The following NBAS variants were observed in gnomAD, a reference collection of about 807,000 sequenced individuals.
NBAS encodes NBAS subunit of NRZ tethering complex.
A neutral mutation model predicts 302.5 loss-of-function variants in NBAS; 219 were observed. The ratio of observed to expected loss-of-function variants is 0.72; its 90% CI spans 0.65 to 0.81. NBAS has a LOEUF of 0.81. NBAS is among the 30% of genes least tolerant of loss of function. The pLI is 0.00. For missense variants in NBAS, 2,932 were observed against 2,841.6 expected, an observed-to-expected ratio of 1.03 and a Z score of -0.72; for synonymous variants, 1,118 against 1,021.6, an observed-to-expected ratio of 1.09 and a Z score of -1.80.
At position 15,278,803 on chromosome 2, in the gene NBAS, T is replaced by C. The variant is rs146910948; in HGVS notation, c.5139-1702A>G. ...TTAAGAGAAGGATCACTAAAAGCTA[T>C]GCCTGCAGAAGATGTAGAAATCAAT... is the stretch of plus-strand genomic sequence containing the variant. On this transcript the variant is annotated intron_variant, in intron 42 of 51. Coordinates refer to ENST00000281513, the MANE Select transcript of NBAS (RefSeq NM_015909.4). Among the ~76,000 whole-genome samples, 182 of 152,292 alleles carry C rather than the reference T, an allele frequency of 1.2e-3. No individual in the cohort carries two copies. The Middle Eastern group carries it at 0.02, about 17-fold the overall frequency.
At chr2:15,496,446 T>C (rs1681076208) in intron 11 of NBAS, among the ~76,000 whole-genome samples, 1 of 152,214 alleles carries the variant, frequency 6.6e-6, no homozygotes, top group African/African-American at 2.4e-5. Context: ...ACCTCTGAAT[T>C]GTATAATTTA....
At chr2:14,943,435 CT>C in the NBAS span, among the ~76,000 whole-genome samples, 1 of 152,318 alleles carries the variant, frequency 6.6e-6, no homozygotes, top group Admixed American at 6.5e-5. Flanking sequence ...GTAAAATTGC[CT>C]TCTGACTGTA....
At chr2:15,411,313 T>C (rs1276565747) in intron 25 of NBAS, among the ~76,000 whole-genome samples, 1 of 152,180 alleles carries the variant, frequency 6.6e-6, no homozygotes, top group African/African-American at 2.4e-5. Flanking sequence ...CCATCCCAAG[T>C]AGCCACTCCC....
chr2:15,401,920 T>C (rs1383506329), intron 26 of NBAS, among the ~76,000 whole-genome samples: 1 of 152,104 alleles, frequency 6.6e-6, no homozygotes, highest in Non-Finnish European at 1.5e-5. Flanking sequence ...CAATAGGAAA[T>C]TATCATGTTT....
At chr2:15,022,465 T>C in the NBAS span, among the ~76,000 whole-genome samples, 2 of 152,174 alleles carry the variant, frequency 1.3e-5, no homozygotes, top group African/African-American at 2.4e-5. Context: ...TAGGTTTTTC[T>C]ACTTACTTAA....
At chr2:14,844,533 G>T in the NBAS span, among the ~76,000 whole-genome samples, 2 of 152,192 alleles carry the variant, frequency 1.3e-5, no homozygotes, top group Non-Finnish European at 2.9e-5. Context: ...GAAAAGTAAA[G>T]GGGACTTTGT....
At chr2:15,434,845 G>A (rs1448535790) in intron 21 of NBAS, among the ~76,000 whole-genome samples, 1 of 152,258 alleles carries the variant, frequency 6.6e-6, no homozygotes, top group Middle Eastern at 3.4e-3. Context: ...TTATACAGGG[G>A]AGACCCAAAA....
At chr2:14,800,782 A>AT in the NBAS span, among the ~76,000 whole-genome samples, 129 of 87,876 alleles carry the variant, frequency 1.5e-3, no homozygotes, top group Admixed American at 8.3e-3. Context: ...AGAGATTTAA[A>AT]TTGTTTTTGT....
At chr2:14,845,059 G>C in the NBAS span, among the ~76,000 whole-genome samples, 1 of 152,218 alleles carries the variant, frequency 6.6e-6, no homozygotes, top group Non-Finnish European at 1.5e-5. Flanking sequence ...TGAGCAAATA[G>C]AGGCAGTAGC....
chr2:15,432,271 T>C (rs1228968090), intron 21 of NBAS, among the ~76,000 whole-genome samples: 1 of 145,340 alleles, frequency 6.9e-6, no homozygotes. Context: ...ATACATCATC[T>C]CCACTTAAAA....
chr2:15,207,620 G>A (rs113040227), intron 48 of NBAS, among the ~76,000 whole-genome samples: 1 of 152,186 alleles, frequency 6.6e-6, no homozygotes, highest in African/African-American at 2.4e-5. Context: ...GATGGGAGGT[G>A]ACTGAATCAT....
rs145822217 is a variant in NBAS at position 15,509,872 on chromosome 2, C to T, written c.885+1340G>A. Reference sequence around the variant, plus strand: ...GTGCTCACTTCCTTTTTTTTTGAGACGGAGTCTGGCTCTGTCACCCAGGCT... The same window carrying T: ...GTGCTCACTTCCTTTTTTTTTGAGATGGAGTCTGGCTCTGTCACCCAGGCT... On this transcript the variant is annotated intron_variant, in intron 10 of 51. Coordinates refer to ENST00000281513, the MANE Select transcript of NBAS (RefSeq NM_015909.4). Among the ~76,000 whole-genome samples, 704 of 151,596 alleles carry T rather than the reference C, an allele frequency of 4.6e-3. 9 individuals carry two copies. The highest frequency in any genetic ancestry group is 0.015 in the African/African-American group (634 of 41,338).
At chr2:14,915,782 A>C in the NBAS span, among the ~76,000 whole-genome samples, 2 of 152,060 alleles carry the variant, frequency 1.3e-5, no homozygotes, top group Non-Finnish European at 2.9e-5. Flanking sequence ...GGCTGGTCTC[A>C]AACTCCTGAC....
At chr2:15,374,800 A>G (rs532394743) in intron 30 of NBAS, 80 bp from the exon 31 acceptor site, 4 of 1,191,498 alleles carry the variant, frequency 3.4e-6, no homozygotes, top group East Asian at 4.7e-5. Flanking sequence ...GATCTAACAC[A>G]TATTTATCAA....
At position 15,179,084 on chromosome 2, in the gene NBAS, G is replaced by A. The variant is rs553823866; in HGVS notation, c.6744C>T (p.Asn2248=). ...TCAGAGATGGAAGCAGGAGGGACTG[G>A]TTAAGCAGCAGCAGACACAGCTCCT... The part of the protein sequence containing the change: ...GVKELCLLLL[N]QSLLLPSLKL... Residue 2248 remains asparagine (N), a synonymous_variant, in exon 51 of 52, where the codon AAC becomes AAT. Coordinates refer to ENST00000281513, the MANE Select transcript of NBAS (RefSeq NM_015909.4). The A allele has an allele frequency of 1.0e-4, 165 of 1,614,194 alleles. 3 individuals carry two copies. In the South Asian group the frequency reaches 1.7e-3, roughly 17 times the overall value.
chr2:15,263,786 C>G (rs1668954398), intron 44 of NBAS, among the ~76,000 whole-genome samples: 1 of 152,118 alleles, frequency 6.6e-6, no homozygotes, highest in Admixed American at 6.5e-5. Context: ...CCATTTCTAC[C>G]TTTCTGCCTC....
chr2:15,049,932 G>T, the NBAS span, among the ~76,000 whole-genome samples: 1 of 152,230 alleles, frequency 6.6e-6, no homozygotes, highest in Non-Finnish European at 1.5e-5. Context: ...GCCAGGACAT[G>T]CTAGCCGCAG....
the NBAS span, among the ~76,000 whole-genome samples, chr2:14,784,796 A>G: frequency 3.3e-5 from 5 of 152,166 alleles, no homozygotes; most frequent in Non-Finnish European, 7.3e-5. Flanking sequence ...TGACTTGGCG[A>G]TGCAGGCTCT....
intron 51 of NBAS, among the ~76,000 whole-genome samples, chr2:15,176,314 A>G (rs1664535860): frequency 6.6e-6 from 1 of 152,204 alleles, no homozygotes; most frequent in Admixed American, 6.5e-5. Context: ...CAGAGAACAG[A>G]TTAGCAGTTG....
Sources: allele counts gnomAD v4.1 joint callset (sites outside exome capture counted in the v4.1 genomes callset), GRCh38; gene constraint gnomAD v4.1.1; transcripts MANE v1.5; gene names NCBI Gene and HGNC (gene_info 2026-07-23, HGNC 2026-07-21).